Variants in UBE2E2 observed in about 807,000 individuals in gnomAD.
UBE2E2 encodes the protein ubiquitin conjugating enzyme E2 E2.
A neutral mutation model predicts 24.7 loss-of-function variants in UBE2E2; 6 were observed. The observed-to-expected ratio is 0.24, with a 90% confidence interval of 0.13 to 0.48. The LOEUF is 0.48. Among genes scored for constraint, UBE2E2 ranks in the 20% least tolerant of loss-of-function variants. The pLI is 0.99. For synonymous variants in UBE2E2, 104 were observed against 83.6 expected (o/e 1.24, Z -1.33); for missense variants, 169 against 245.0 (o/e 0.69, Z 2.07).
chr3:23,246,289 CG>C (rs1220893375), intron 3 of UBE2E2, among the ~76,000 whole-genome samples: 1 of 145,768 alleles, frequency 6.9e-6, no homozygotes, highest in Non-Finnish European at 1.5e-5. Context: ...GGCGCAATCT[CG>C]GCTCACTGCA....
chr3:23,274,327 C>T (rs759369264), intron 3 of UBE2E2, among the ~76,000 whole-genome samples: 5 of 151,908 alleles, frequency 3.3e-5, no homozygotes, highest in East Asian at 1.9e-4. Flanking sequence ...CTTCCTTTCC[C>T]GACCCCCTTC....
chr3:23,270,731 G>A (rs1317792751), intron 3 of UBE2E2, among the ~76,000 whole-genome samples: 2 of 152,208 alleles, frequency 1.3e-5, no homozygotes, highest in Admixed American at 6.5e-5. Context: ...AGCTTCCTGT[G>A]TGAGAAAGTG....
intron 4 of UBE2E2, among the ~76,000 whole-genome samples, chr3:23,504,908 C>CATTCTTTTTTTTTTTTTT (rs1559405467): frequency 1.5e-5 from 1 of 67,214 alleles, no homozygotes; most frequent in Non-Finnish European, 2.9e-5. Flanking sequence ...TTCAGACATT[C>CATTCTTTTTTTTTTTTTT]TTTCTTTTTT....
intron 3 of UBE2E2, among the ~76,000 whole-genome samples, chr3:23,344,949 A>G (rs1053190701): frequency 1.3e-5 from 2 of 152,152 alleles, no homozygotes; most frequent in African/African-American, 4.8e-5. Flanking sequence ...AACATTGCAT[A>G]TGTAAGGCAT....
intron 3 of UBE2E2, among the ~76,000 whole-genome samples, chr3:23,298,260 C>G (rs1301112790): frequency 6.6e-6 from 1 of 152,076 alleles, no homozygotes; most frequent in Non-Finnish European, 1.5e-5. Context: ...TCCTCTTTTC[C>G]TAATTGAATG....
At chr3:23,469,262 T>C (rs924256843) in intron 3 of UBE2E2, among the ~76,000 whole-genome samples, 5 of 152,220 alleles carry the variant, frequency 3.3e-5, no homozygotes, top group African/African-American at 1.2e-4. Flanking sequence ...CATATCAATT[T>C]GTGGGGGACA....
intron 3 of UBE2E2, among the ~76,000 whole-genome samples, chr3:23,456,126 A>C (rs1289686817): frequency 6.6e-6 from 1 of 152,216 alleles, no homozygotes; most frequent in East Asian, 1.9e-4. Context: ...GCTTATTCCT[A>C]AGAAGCAACT....
chr3:23,304,617 C>T (rs1038404420), intron 3 of UBE2E2, among the ~76,000 whole-genome samples: 8 of 152,114 alleles, frequency 5.3e-5, no homozygotes, highest in African/African-American at 1.9e-4. Context: ...AGAATATCCT[C>T]ACACATAATA....
chr3:23,389,097 C>T (rs934813898), intron 3 of UBE2E2, among the ~76,000 whole-genome samples: 1 of 152,168 alleles, frequency 6.6e-6, no homozygotes, highest in Non-Finnish European at 1.5e-5. Flanking sequence ...CTACCCTGGT[C>T]CCACAGGGGC....
intron 3 of UBE2E2, among the ~76,000 whole-genome samples, chr3:23,413,933 A>G (rs957863436): frequency 1.3e-5 from 2 of 152,170 alleles, no homozygotes; most frequent in African/African-American, 2.4e-5. Context: ...CGTTATTACT[A>G]TATATCTGTA....
intron 3 of UBE2E2, among the ~76,000 whole-genome samples, chr3:23,344,459 AT>A (rs201484751): frequency 2.2e-4 from 33 of 148,752 alleles, no homozygotes; most frequent in African/African-American, 5.4e-4. Context: ...ACGCCTTTGA[AT>A]TTTTTTTTTT....
chr3:23,544,190 C>G (rs1301407463), intron 5 of UBE2E2, among the ~76,000 whole-genome samples: 1 of 151,956 alleles, frequency 6.6e-6, no homozygotes, highest in Non-Finnish European at 1.5e-5. Context: ...GCAAATGCAG[C>G]AAAAACAAAA....
chr3:23,475,037 C>T (rs950691738), intron 3 of UBE2E2, among the ~76,000 whole-genome samples: 3 of 152,126 alleles, frequency 2.0e-5, no homozygotes, highest in African/African-American at 7.3e-5. Flanking sequence ...CACCACTCTG[C>T]AATACACAAC....
chr3:23,216,187 C>A (rs529531599), intron 2 of UBE2E2, among the ~76,000 whole-genome samples: 1 of 152,032 alleles, frequency 6.6e-6, no homozygotes, highest in African/African-American at 2.4e-5. Flanking sequence ...CATAATGCCT[C>A]GCCAACCTTG....
intron 5 of UBE2E2, among the ~76,000 whole-genome samples, chr3:23,581,371 G>A (rs1253661917): frequency 1.3e-5 from 2 of 152,226 alleles, no homozygotes; most frequent in Non-Finnish European, 2.9e-5. Context: ...GAAAGATAAA[G>A]TCTGGATCAC....
chr3:23,499,797 A>T, intron 4 of UBE2E2, 57 bp downstream of exon 4: 1 of 1,573,518 alleles, frequency 6.4e-7, no homozygotes, highest in African/African-American at 1.4e-5. Context: ...CTAGATACAT[A>T]TACTTATTCT....
chr3:23,520,152 G>T (rs1694831355), intron 4 of UBE2E2, among the ~76,000 whole-genome samples: 1 of 151,256 alleles, frequency 6.6e-6, no homozygotes, highest in Admixed American at 6.6e-5. Flanking sequence ...AGGGTGTGGG[G>T]TTTTCATTTG....
chr3:23,253,424 A>G (rs370106280), intron 3 of UBE2E2, among the ~76,000 whole-genome samples: 1 of 152,210 alleles, frequency 6.6e-6, no homozygotes, highest in Admixed American at 6.5e-5. Flanking sequence ...CATGTGGGAT[A>G]TGTGTTCAGC....
At chr3:23,505,274 C>G (rs929401537) in intron 4 of UBE2E2, among the ~76,000 whole-genome samples, 1 of 152,008 alleles carries the variant, frequency 6.6e-6, no homozygotes, top group African/African-American at 2.4e-5. Flanking sequence ...TGTTAGGTAA[C>G]AGGTCAGGTG....
Sources: gnomAD v4.1 joint callset for allele counts (sites outside exome capture counted in the v4.1 genomes callset) on GRCh38, gnomAD v4.1.1 for gene constraint, MANE v1.5 for transcripts, NCBI Gene and HGNC (gene_info 2026-07-23, HGNC 2026-07-21) for gene names.